STXBP5L: variants seen among roughly 807,000 people sequenced by gnomAD.
STXBP5L encodes the protein syntaxin binding protein 5L, also known as syntaxin-binding protein 5-like.
Under a neutral mutation model 144.5 loss-of-function variants are expected in STXBP5L, and 65 were observed. The observed-to-expected ratio is 0.45, with a 90% confidence interval of 0.37 to 0.55. The LOEUF (loss-of-function observed/expected upper bound fraction) is 0.55. Among genes scored for constraint, STXBP5L ranks in the 20% least tolerant of loss-of-function variants. The pLI is 0.00. For missense variants in STXBP5L, 1,298 were observed against 1,405.5 expected (o/e 0.92, Z 1.22); for synonymous variants, 505 against 469.6 (o/e 1.08, Z -0.97).
At chr3:121,051,796 G>C (rs993547424) in intron 5 of STXBP5L, among the ~76,000 whole-genome samples, 4 of 152,168 alleles carry the variant, frequency 2.6e-5, no homozygotes, top group African/African-American at 9.7e-5. Flanking sequence ...AATGAAGCCA[G>C]GAGCTGGTTT....
chr3:120,935,105 T>G (rs1710194283), intron 2 of STXBP5L, among the ~76,000 whole-genome samples: 1 of 151,866 alleles, frequency 6.6e-6, no homozygotes, highest in Non-Finnish European at 1.5e-5. Context: ...TTCTGTCTTG[T>G]CTAACTTTGA....
At chr3:121,192,180 AACAG>A (rs535250705) in intron 9 of STXBP5L, among the ~76,000 whole-genome samples, 112 of 152,318 alleles carry the variant, frequency 7.4e-4, no homozygotes, top group African/African-American at 2.5e-3. Context: ...ATACACCAAT[AACAG>A]ACAGAGAGCC....
chr3:121,187,692 T>C lies in STXBP5L; in HGVS notation c.878-18231T>C, dbSNP rs189238772. ...ACATGATCAAATTCACACATAACAATGTTAACCTTAAATGTAAATGGGCTA... is the reference window on the plus strand; with the variant it reads ...ACATGATCAAATTCACACATAACAACGTTAACCTTAAATGTAAATGGGCTA... On this transcript the variant is annotated intron_variant, in intron 9 of 26. Transcript: ENST00000471454. Among the ~76,000 whole-genome samples, 173 of 151,316 alleles carry C rather than the reference T, an allele frequency of 1.1e-3. 2 individuals are homozygous for C. The highest frequency in any genetic ancestry group is 2.0e-3 in the Non-Finnish European group (133 of 67,824).
intron 3 of STXBP5L, among the ~76,000 whole-genome samples, chr3:121,025,253 G>T (rs915086253): frequency 2.0e-5 from 3 of 152,160 alleles, no homozygotes; most frequent in Non-Finnish European, 4.4e-5. Context: ...TCCCTATGCT[G>T]GACCTAGTGA....
chr3:121,239,878 T>G (rs1169984359), intron 13 of STXBP5L, among the ~76,000 whole-genome samples: 1 of 151,602 alleles, frequency 6.6e-6, no homozygotes, highest in Admixed American at 6.6e-5. Flanking sequence ...TAAAATAAAA[T>G]AAAATAAAGA....
intron 2 of STXBP5L, among the ~76,000 whole-genome samples, chr3:120,918,770 T>A (rs1234732298): frequency 6.6e-6 from 1 of 152,204 alleles, no homozygotes; most frequent in Non-Finnish European, 1.5e-5. Context: ...GCATTTTCAC[T>A]TGGCTTGAAG....
At chr3:121,363,444 G>T (rs1472990659) in intron 20 of STXBP5L, among the ~76,000 whole-genome samples, 3 of 152,206 alleles carry the variant, frequency 2.0e-5, no homozygotes, top group Admixed American at 2.0e-4. Context: ...GGGATTGGCA[G>T]TTCCCCTCTG....
At chr3:121,279,721 T>C (rs2108439054) in intron 18 of STXBP5L, 84 bp from the exon 19 acceptor site, 1 of 1,534,890 alleles carries the variant, frequency 6.5e-7, no homozygotes, top group Non-Finnish European at 8.9e-7. Flanking sequence ...GACATTACTT[T>C]TCAATAATCC....
At chr3:121,091,683 TC>T (rs2042805638) in intron 5 of STXBP5L, among the ~76,000 whole-genome samples, 1 of 152,232 alleles carries the variant, frequency 6.6e-6, no homozygotes, top group Non-Finnish European at 1.5e-5. Context: ...TAGCCCTTTG[TC>T]AGATGAGTAG....
intron 18 of STXBP5L, among the ~76,000 whole-genome samples, chr3:121,260,573 T>A (rs1000664486): frequency 1.3e-5 from 2 of 152,108 alleles, no homozygotes; most frequent in East Asian, 3.8e-4. Context: ...CTGTCTGGAA[T>A]TTTTTTAAGT....
At chr3:121,110,617 C>A (rs149482893) in intron 5 of STXBP5L, among the ~76,000 whole-genome samples, 2,291 of 152,214 alleles carry the variant, frequency 0.015, 33 homozygotes, top group Non-Finnish European at 0.023. Flanking sequence ...GATGGACTTG[C>A]CTTTGTAGGT....
chr3:121,193,537 G>A (rs1178211404), intron 9 of STXBP5L, among the ~76,000 whole-genome samples: 1 of 152,076 alleles, frequency 6.6e-6, no homozygotes, highest in African/African-American at 2.4e-5. Context: ...GTTTATTGTG[G>A]CACTACTCAC....
At chr3:121,312,368 CTTT>C (rs71619793) in intron 19 of STXBP5L, among the ~76,000 whole-genome samples, 4,034 of 60,070 alleles carry the variant, frequency 0.067, 168 homozygotes, top group African/African-American at 0.19. Context: ...TAAAGAGCTT[CTTT>C]TTTTTTTTTT....
chr3:120,999,462 G>T (rs1226986109), intron 3 of STXBP5L, among the ~76,000 whole-genome samples: 2 of 152,132 alleles, frequency 1.3e-5, no homozygotes, highest in Non-Finnish European at 2.9e-5. Context: ...TCCTATGTGT[G>T]TCATTACACG....
intron 7 of STXBP5L, among the ~76,000 whole-genome samples, chr3:121,125,514 AT>A (rs1182141089): frequency 6.6e-6 from 1 of 151,976 alleles, no homozygotes; most frequent in Non-Finnish European, 1.5e-5. Flanking sequence ...AAAATAGGCC[AT>A]CTTTCCCCCA....
intron 2 of STXBP5L, among the ~76,000 whole-genome samples, chr3:120,911,328 C>T (rs1417790793): frequency 6.6e-6 from 1 of 151,958 alleles, no homozygotes; most frequent in African/African-American, 2.4e-5. Flanking sequence ...ATAGGAAGTA[C>T]CAGAAGTTAA....
At chr3:121,222,052 G>A (rs556448778) in intron 10 of STXBP5L, among the ~76,000 whole-genome samples, 15 of 152,028 alleles carry the variant, frequency 9.9e-5, no homozygotes, top group African/African-American at 3.4e-4. Flanking sequence ...TTATGTAGAT[G>A]AGCATTATAT....
At chr3:121,288,637 C>T (rs1454801800) in intron 19 of STXBP5L, among the ~76,000 whole-genome samples, 1 of 152,066 alleles carries the variant, frequency 6.6e-6, no homozygotes, top group Non-Finnish European at 1.5e-5. Context: ...TCATGTGTGT[C>T]TTCTTTAGAA....
intron 20 of STXBP5L, among the ~76,000 whole-genome samples, chr3:121,337,879 A>G (rs1237862684): frequency 6.6e-6 from 1 of 152,202 alleles, no homozygotes; most frequent in Non-Finnish European, 1.5e-5. Flanking sequence ...ACAGTGGAAT[A>G]AAACCAATAA....
Sources: allele counts gnomAD v4.1 joint callset (sites outside exome capture counted in the v4.1 genomes callset), GRCh38; gene constraint gnomAD v4.1.1; transcripts MANE v1.5; gene names NCBI Gene and HGNC (gene_info 2026-07-23, HGNC 2026-07-21).